ENTPD1: variants seen among roughly 807,000 people sequenced by gnomAD.
The protein encoded by ENTPD1 is ATP diphosphohydrolase.
A neutral mutation model predicts 57.0 loss-of-function variants in ENTPD1; 33 were observed. The ratio of observed to expected loss-of-function variants is 0.58; its 90% confidence interval spans 0.44 to 0.77. The LOEUF (loss-of-function observed/expected upper bound fraction) is 0.77, where lower values mean the gene tolerates loss of function less well. Ranked by LOEUF, ENTPD1 falls within the 30% of genes least tolerant of loss-of-function variation. The pLI, the probability that ENTPD1 is intolerant of heterozygous loss-of-function variation, is 0.00. For synonymous variants in ENTPD1, 202 were observed against 218.8 expected, an observed-to-expected ratio of 0.92 and a Z score of 0.68; for missense variants, 501 against 603.4, an observed-to-expected ratio of 0.83 and a Z score of 1.78.
At chr10:95,761,055 C>G (rs992398067) in intron 1 of ENTPD1, among the ~76,000 whole-genome samples, 1 of 152,036 alleles carries the variant, frequency 6.6e-6, no homozygotes, top group Non-Finnish European at 1.5e-5. Context: ...TGGTCTCGAT[C>G]TCCTGACCTC....
intron 2 of ENTPD1, among the ~76,000 whole-genome samples, chr10:95,829,868 G>T (rs1225687986): frequency 6.6e-6 from 1 of 152,112 alleles, no homozygotes; most frequent in Non-Finnish European, 1.5e-5. Flanking sequence ...CTCATGAATG[G>T]ATTAATCCAT....
intron 1 of ENTPD1, among the ~76,000 whole-genome samples, chr10:95,774,888 G>A (rs1478046072): frequency 6.6e-6 from 1 of 152,210 alleles, no homozygotes; most frequent in Non-Finnish European, 1.5e-5. Context: ...GTAGCTTGAT[G>A]GAGATGGCAT....
chr10:95,868,534 G>C lies in ENTPD1; in HGVS notation c.*2151G>C, dbSNP rs982692282. 1 of 985,270 alleles carries C rather than the reference G, an allele frequency of 1.0e-6. No homozygotes were observed. The highest frequency in any genetic ancestry group is 1.2e-6 in the Non-Finnish European group (1 of 829,946). The allele number at this position is 985,270 out of a possible 1,614,324, so 61.0% of individuals were successfully genotyped here. A position where few individuals can be genotyped will look rare whatever the true frequency, so the allele number is the denominator to read the frequency against. On this transcript the variant is annotated 3_prime_UTR_variant, in exon 10 of 10. Transcript: ENST00000371205. ...GATGATGAAAATAAAGGTCAAATAA[G>C]TTGAGCCAATAACAGCCGCTTTTTT... is the stretch of plus-strand genomic sequence containing the variant.
the ENTPD1 span, among the ~76,000 whole-genome samples, chr10:95,700,515 C>T: frequency 3.3e-5 from 5 of 151,908 alleles, no homozygotes; most frequent in East Asian, 3.9e-4. Flanking sequence ...AGTGAGACTC[C>T]GTTCCTACAA....
intron 1 of ENTPD1, among the ~76,000 whole-genome samples, chr10:95,771,934 A>G (rs1280814048): frequency 2.0e-5 from 3 of 152,148 alleles, no homozygotes; most frequent in Non-Finnish European, 4.4e-5. Flanking sequence ...AGTTATTGCA[A>G]GTTTTGTTCC....
intron 1 of ENTPD1, among the ~76,000 whole-genome samples, chr10:95,776,022 C>G (rs992138377): frequency 2.0e-5 from 3 of 152,142 alleles, no homozygotes; most frequent in Non-Finnish European, 4.4e-5. Flanking sequence ...TTATTTTGAG[C>G]CTATGTGCGT....
chr10:95,773,134 T>A (rs1269968178), intron 1 of ENTPD1, among the ~76,000 whole-genome samples: 1 of 151,400 alleles, frequency 6.6e-6, no homozygotes, highest in Non-Finnish European at 1.5e-5. Flanking sequence ...ACGAATAGAG[T>A]AAGAGTTCAC....
At chr10:95,750,383 T>C (rs1028371426) in intron 1 of ENTPD1, among the ~76,000 whole-genome samples, 6 of 152,044 alleles carry the variant, frequency 3.9e-5, no homozygotes, top group Non-Finnish European at 7.4e-5. Context: ...TTGGTGAAAA[T>C]GAGTTCATTT....
At chr10:95,818,280 T>A (rs1323301175) in intron 1 of ENTPD1, among the ~76,000 whole-genome samples, 1 of 152,190 alleles carries the variant, frequency 6.6e-6, no homozygotes, top group Non-Finnish European at 1.5e-5. Flanking sequence ...CCTAAGGAGC[T>A]TACATTCTAG....
chr10:95,869,666 T>A lies in ENTPD1; in HGVS notation c.*3283T>A, dbSNP rs1319548542. ...TTCATCCAATTCTTAATAAGAAATA[T>A]GTAAATAAAATTTTTTAAAATTACA... On this transcript the variant is annotated 3_prime_UTR_variant, in exon 10 of 10. Transcript: ENST00000371205. The A allele has an allele frequency of 5.1e-6, 5 of 980,666 alleles. No homozygotes were observed. The highest frequency in any genetic ancestry group is 6.1e-6 in the Non-Finnish European group (5 of 825,748). 60.7% of individuals were successfully genotyped at this position (980,666 alleles called of 1,614,324 possible).
the ENTPD1 span, among the ~76,000 whole-genome samples, chr10:95,702,031 G>T: frequency 0.034 from 5,125 of 151,148 alleles, 119 homozygotes; most frequent in Non-Finnish European, 0.049. Context: ...CAAATTAAAA[G>T]ATAAAGAAGA....
chr10:95,846,333 G>GTGCC (rs1037407068), intron 6 of ENTPD1: 4 of 152,134 alleles, frequency 2.6e-5, no homozygotes, highest in Middle Eastern at 3.2e-3. Flanking sequence ...AGCCGAGATT[G>GTGCC]TGCCACTACA....
rs182229455 is a variant in ENTPD1 at position 95,738,585 on chromosome 10, C to A, written c.37+26592C>A. Among the ~76,000 whole-genome samples the A allele has an allele frequency of 4.6e-5, 7 of 152,232 alleles. No individual in the cohort carries two copies. The East Asian group carries it at 1.2e-3, about 25-fold the overall frequency. On this transcript the variant is annotated intron_variant, in intron 1 of 9. Coordinates refer to the ENTPD1 transcript ENST00000453258. ...GCAAAATTCGTCAGAGAAATGCATACCCTGTTGGTGAGATGGAGAAGACCT... is the reference window on the plus strand; with the variant it reads ...GCAAAATTCGTCAGAGAAATGCATAACCTGTTGGTGAGATGGAGAAGACCT...
At chr10:95,746,619 C>G (rs1310514761) in intron 1 of ENTPD1, among the ~76,000 whole-genome samples, 4 of 152,202 alleles carry the variant, frequency 2.6e-5, no homozygotes, top group Non-Finnish European at 5.9e-5. Context: ...CAGTGCCACT[C>G]CTACTACTTT....
At chr10:95,774,252 T>C (rs1450070701) in intron 1 of ENTPD1, among the ~76,000 whole-genome samples, 2 of 152,234 alleles carry the variant, frequency 1.3e-5, no homozygotes, top group Admixed American at 6.5e-5. Flanking sequence ...ATAGGTAGAT[T>C]GCAAAAATTT....
chr10:95,872,515 C>A lies in ENTPD1; in HGVS notation c.*6132C>A, dbSNP rs1306555048. 1.0e-6 allele frequency: 1 copy of A among 984,832 alleles called. No homozygotes were observed. The highest frequency in any genetic ancestry group is 1.7e-5 in the African/African-American group (1 of 57,232). 61.0% of individuals were successfully genotyped at this position (984,832 alleles called of 1,614,324 possible). A position where few individuals can be genotyped will look rare whatever the true frequency, so the allele number is the denominator to read the frequency against. On this transcript the variant is annotated 3_prime_UTR_variant, in exon 10 of 10. Transcript: ENST00000371205. ...GCCCCTTCATTTGTGAAGCCTTCTC[C>A]AAATTTCCAAGTCAGAATGTCTCTT... is the stretch of plus-strand genomic sequence containing the variant.
intron 1 of ENTPD1, among the ~76,000 whole-genome samples, chr10:95,765,568 C>G (rs985482316): frequency 4.6e-5 from 7 of 152,236 alleles, no homozygotes; most frequent in African/African-American, 1.7e-4. Flanking sequence ...TATGTCAATT[C>G]CACATTTCTT....
chr10:95,806,512 T>A (rs1245446547), intron 1 of ENTPD1, among the ~76,000 whole-genome samples: 1 of 152,208 alleles, frequency 6.6e-6, no homozygotes, highest in Non-Finnish European at 1.5e-5. Context: ...TCATTCTCCA[T>A]CCAGCTTTGT....
chr10:95,776,046 G>C (rs977239637), intron 1 of ENTPD1, among the ~76,000 whole-genome samples: 2 of 152,118 alleles, frequency 1.3e-5, no homozygotes, highest in Non-Finnish European at 2.9e-5. Flanking sequence ...TTGCACATGA[G>C]ATGGGTCTCC....
Sources: allele counts gnomAD v4.1 joint callset (sites outside exome capture counted in the v4.1 genomes callset), GRCh38; gene constraint gnomAD v4.1.1; transcripts MANE v1.5; gene names NCBI Gene and HGNC (gene_info 2026-07-23, HGNC 2026-07-21).